The following CIT variants were observed in gnomAD, a reference collection of about 807,000 sequenced individuals.
CIT encodes citron Rho-interacting kinase.
Under a neutral mutation model 272.7 loss-of-function variants are expected in CIT, and 79 were observed. That is an observed-to-expected ratio of 0.29 (90% CI 0.24 to 0.35). The LOEUF (loss-of-function observed/expected upper bound fraction) is 0.35, where lower values mean the gene tolerates loss of function less well. Ranked by LOEUF, CIT falls within the 10% of genes least tolerant of loss-of-function variation. The pLI is 1.00. For missense variants in CIT, 1,909 were observed against 2,618.3 expected (o/e 0.73, Z 5.91); for synonymous variants, 948 against 995.6 (o/e 0.95, Z 0.90).
intron 19 of CIT, among the ~76,000 whole-genome samples, chr12:119,763,650 T>C (rs1388634638): frequency 6.6e-6 from 1 of 152,174 alleles, no homozygotes; most frequent in African/African-American, 2.4e-5. Context: ...AAAGGACCAC[T>C]CAATTCTTTG....
chr12:119,737,306 CAAAAAAAAAAAAAAAAAAA>C (rs145489542), intron 24 of CIT, among the ~76,000 whole-genome samples: 36 of 24,182 alleles, frequency 1.5e-3, no homozygotes, highest in Middle Eastern at 0.029. Flanking sequence ...GATTCCATCT[CAAAAAAAAAAAAAAAAAAA>C]AAAAAAAAAA....
chr12:119,735,196 G>A lies in CIT; in HGVS notation c.3120C>T (p.Ile1040=). The A allele has an allele frequency of 6.2e-7, 1 of 1,614,118 alleles. No individual in the cohort carries two copies. Among genetic ancestry groups the A allele is most frequent in the Non-Finnish European group, 8.5e-7 (1 of 1,180,032 alleles). ...RSEVDHLRRE[I]TEREMQLTSQ... is the part of the protein sequence containing the mutation. ...TGGTAAGCTGCATCTCTCGTTCCGT[G>A]ATCTCCCGGCGGAGATGGTCCACTT... The change falls in exon 25 of 48, where the codon ATC becomes ATT. Residue 1040 remains isoleucine (I), a synonymous_variant. Transcript: ENST00000392521.
chr12:119,836,553 A>G (rs1181269666), intron 5 of CIT, among the ~76,000 whole-genome samples: 1 of 152,142 alleles, frequency 6.6e-6, no homozygotes, highest in Non-Finnish European at 1.5e-5. Flanking sequence ...AAGGTCTTAA[A>G]TATCCAAAAA....
Position 119,869,213 on chromosome 12 carries a change from A to G in CIT, c.97-12T>C. 6.3e-7 allele frequency: 1 copy of G among 1,593,186 alleles called. No homozygotes were observed. Among genetic ancestry groups the G allele is most frequent in the East Asian group, 2.2e-5 (1 of 44,696 alleles). On this transcript the variant is annotated splice_polypyrimidine_tract_variant and intron_variant, in intron 2 of 47. Transcript: ENST00000392521. ...AAGGGTGGTTTCCCCTAAAAACAGCAAACAGCAGATGGAGACACTGTCAAT... is the reference window on the plus strand; with the variant it reads ...AAGGGTGGTTTCCCCTAAAAACAGCGAACAGCAGATGGAGACACTGTCAAT...
chr12:119,814,143 G>T (rs1966925573), intron 9 of CIT, among the ~76,000 whole-genome samples: 1 of 151,834 alleles, frequency 6.6e-6, no homozygotes, highest in African/African-American at 2.4e-5. Context: ...ATTATTTCTA[G>T]AATAAGTTGC....
At chr12:119,742,388 G>A (rs370704649) in intron 24 of CIT, 23 bp downstream of exon 24, 226 of 1,563,254 alleles carry the variant, frequency 1.4e-4, no homozygotes, top group Non-Finnish European at 1.9e-4. Flanking sequence ...TATTTTAATC[G>A]TCTTTGGGTA....
At chr12:119,737,718 C>T (rs1034930780) in intron 24 of CIT, among the ~76,000 whole-genome samples, 7 of 152,152 alleles carry the variant, frequency 4.6e-5, no homozygotes, top group Admixed American at 2.0e-4. Context: ...TATATTTGGT[C>T]ATCATCTCTA....
Position 119,701,020 on chromosome 12 carries a change from A to G in CIT, c.5543-195T>C, listed in dbSNP as rs1956530262. ...ATGAGGGACTTTTTAAATTTAATTT[A>G]TTTTAATTTATTAAATTTTATTAAA... is the stretch of plus-strand genomic sequence containing the variant. On this transcript the variant is annotated intron_variant, in intron 43 of 47. Transcript: ENST00000392521. The G allele has an allele frequency of 2.6e-5, 9 of 346,048 alleles. No homozygotes were observed. The South Asian group carries it at 9.8e-4, about 38-fold the overall frequency. 21.4% of individuals were successfully genotyped at this position (346,048 alleles called of 1,614,324 possible).
rs568341776 is a variant in CIT at position 119,868,773 on chromosome 12, A to T, written c.238+287T>A. ...AGCTGGTCTTGAACTCCTGGGCTCAAGCGATTCACCCACCTCAGCTTCCCA... is the reference window on the plus strand; with the variant it reads ...AGCTGGTCTTGAACTCCTGGGCTCATGCGATTCACCCACCTCAGCTTCCCA... On this transcript the variant is annotated intron_variant, in intron 3 of 47. Transcript: ENST00000392521. Among the ~76,000 whole-genome samples the T allele has an allele frequency of 1.2e-4, 18 of 152,296 alleles. No homozygotes were observed. The South Asian group carries it at 3.7e-3, about 32-fold the overall frequency.
intron 8 of CIT, among the ~76,000 whole-genome samples, 171 bp from the exon 9 acceptor site, chr12:119,823,144 G>A (rs1432532502): frequency 6.6e-6 from 1 of 151,942 alleles, no homozygotes; most frequent in Admixed American, 6.6e-5. Flanking sequence ...CAAAATAAGT[G>A]GCCTGTTCAC....
chr12:119,818,523 T>C (rs1411914359), intron 9 of CIT, among the ~76,000 whole-genome samples: 3 of 152,134 alleles, frequency 2.0e-5, no homozygotes, highest in Non-Finnish European at 4.4e-5. Context: ...ATCAAAACGA[T>C]ACCTATTTGG....
At chr12:119,754,452 C>G (rs555921931) in intron 22 of CIT, among the ~76,000 whole-genome samples, 1 of 152,164 alleles carries the variant, frequency 6.6e-6, no homozygotes, top group Non-Finnish European at 1.5e-5. Context: ...AAAATGCTTC[C>G]GATGCCATTT....
Position 119,770,165 on chromosome 12 carries a change from T to A in CIT, c.2208+620A>T, listed in dbSNP as rs142573048. Among the ~76,000 whole-genome samples, 567 of 152,206 alleles carry A rather than the reference T, an allele frequency of 3.7e-3. 1 individual carries two copies. Among genetic ancestry groups the A allele is most frequent in the Non-Finnish European group, 6.4e-3 (437 of 67,998 alleles). ...ACATCTGCAAATACCACCCGAACCT[T>A]CCTTGATCAAGTTAATTTGGTGATC... On this transcript the variant is annotated intron_variant, in intron 18 of 47. Coordinates refer to ENST00000392521, the MANE Select transcript of CIT (RefSeq NM_001206999.2). The surrounding 1 kb of genome is among the most constrained non-coding windows in gnomAD (Gnocchi z 4.4).
Position 119,804,839 on chromosome 12 carries a change from TGAGG to T in CIT, c.1112-1454_1112-1451del, listed in dbSNP as rs1352366707. ...GGTACATTGAGATGAGGTGGGAGAG[TGAGG>T]AAGATTTAAGATGTAAAATGTGCAC... On this transcript the variant is annotated intron_variant, in intron 9 of 47. Transcript: ENST00000392521. The surrounding 1 kb of genome is among the most constrained non-coding windows in gnomAD (Gnocchi z 5.3). 6.6e-6 allele frequency among the ~76,000 whole-genome samples: 1 copy of T among 151,646 alleles called. No homozygotes were observed.
In CIT at chr12:119,768,116, C is replaced by T. The variant is rs1316295654; in HGVS notation, c.2209-934G>A. 6.6e-6 allele frequency among the ~76,000 whole-genome samples: 1 copy of T among 151,932 alleles called. No individual in the cohort carries two copies. ...TAGTAGAGGCGAGGTTTCACCATGT[C>T]GGTCAGGCTGGTTTCAAACTCCTGA... On this transcript the variant is annotated intron_variant, in intron 18 of 47. Coordinates refer to ENST00000392521, the MANE Select transcript of CIT (RefSeq NM_001206999.2). This position sits in a 1 kb window ranked among gnomAD's most constrained non-coding sequence, Gnocchi z 4.3.
intron 10 of CIT, among the ~76,000 whole-genome samples, chr12:119,788,073 G>C (rs1964967539): frequency 6.6e-6 from 1 of 152,208 alleles, no homozygotes; most frequent in African/African-American, 2.4e-5. Context: ...TGAATTTGCT[G>C]TGTGCTATTA....
In CIT at chr12:119,803,480, C is replaced by T. The variant is rs542466744; in HGVS notation, c.1112-91G>A. The T allele has an allele frequency of 1.6e-4, 149 of 942,230 alleles. No homozygotes were observed. The South Asian group carries it at 2.4e-3, about 15-fold the overall frequency. 58.4% of individuals were successfully genotyped at this position (942,230 alleles called of 1,614,324 possible). A position where few individuals can be genotyped will look rare whatever the true frequency, so the allele number is the denominator to read the frequency against. Reference sequence around the variant, plus strand: ...TGCGGAGAAGATCGTCTTACTCCTTCGGCGCTGGCGATGGCACTGCAGCGC... The same window carrying T: ...TGCGGAGAAGATCGTCTTACTCCTTTGGCGCTGGCGATGGCACTGCAGCGC... On this transcript the variant is annotated intron_variant, in intron 9 of 47. Coordinates refer to ENST00000392521, the MANE Select transcript of CIT (RefSeq NM_001206999.2).
intron 46 of CIT, among the ~76,000 whole-genome samples, chr12:119,691,073 G>T (rs1955919532): frequency 6.6e-6 from 1 of 150,990 alleles, no homozygotes. Context: ...TCAGGAGGCT[G>T]AGGCAGGAGA....
intron 6 of CIT, among the ~76,000 whole-genome samples, chr12:119,833,119 A>C (rs1968759669): frequency 6.6e-6 from 1 of 152,186 alleles, no homozygotes; most frequent in Non-Finnish European, 1.5e-5. Context: ...TAGGAGAGAA[A>C]GAAAAGGAAG....
Sources: allele counts gnomAD v4.1 joint callset (sites outside exome capture counted in the v4.1 genomes callset), GRCh38; gene constraint gnomAD v4.1.1; non-coding constraint Gnocchi (gnomAD v3.1); transcripts MANE v1.5; gene names NCBI Gene and HGNC (gene_info 2026-07-23, HGNC 2026-07-21).